EXO1: variants seen among roughly 807,000 people sequenced by gnomAD.
EXO1 encodes the protein exonuclease 1.
In EXO1, 69 loss-of-function variants were observed where a neutral mutation model predicts 84.5. That is an observed-to-expected ratio of 0.82 (90% CI 0.67 to 1.00). EXO1 has a LOEUF of 1.00. Among genes scored for constraint, EXO1 ranks in the 50% least tolerant of loss-of-function variants. EXO1 has a pLI of 0.00. For missense variants in EXO1, 1,045 were observed against 1,000.7 expected (o/e 1.04, Z -0.60); for synonymous variants, 373 against 366.1 (o/e 1.02, Z -0.21).
At chr1:241,873,766 A>G (rs1662245095) in intron 12 of EXO1, among the ~76,000 whole-genome samples, 1 of 152,188 alleles carries the variant, frequency 6.6e-6, no homozygotes, top group South Asian at 2.1e-4. Flanking sequence ...GAGGGCGTTC[A>G]AGGGGCATCT....
chr1:241,857,369 T>C lies in EXO1; in HGVS notation c.430T>C (p.Cys144Arg). 6.2e-7 allele frequency: 1 copy of C among 1,613,994 alleles called. No individual in the cohort carries two copies. Among genetic ancestry groups the C allele is most frequent in the South Asian group, 1.1e-5 (1 of 91,088 alleles). ...GGCTGCCCGGTCTCAGGGGGTAGAT[T>C]GCCTCGTGGCTCCCTATGAAGCTGA... ...IKAARSQGVD[C>R]LVAPYEADAQ... The change falls in exon 7 of 16, where the codon TGC becomes CGC. Residue 144 changes from cysteine to arginine, a missense_variant. Physicochemically the swap from Cys to Arg is radical, Grantham distance 180 (BLOSUM62 -3). Transcript: ENST00000366548.
Position 241,874,118 on chromosome 1 carries a change from C to T in EXO1, c.1514+1840C>T, listed in dbSNP as rs780234048. Among the ~76,000 whole-genome samples, 5 of 152,158 alleles carry T rather than the reference C, an allele frequency of 3.3e-5. No individual in the cohort carries two copies. In the East Asian group the frequency reaches 5.8e-4, roughly 18 times the overall value. On this transcript the variant is annotated intron_variant, in intron 12 of 15. Coordinates refer to ENST00000366548, the MANE Select transcript of EXO1 (RefSeq NM_130398.4). ...GAGGCGATAGAAACATTGAGAGGGT[C>T]GCCGGGCACGATGGCTCATGCCTAT...
intron 4 of EXO1, among the ~76,000 whole-genome samples, chr1:241,851,035 A>G (rs555436177): frequency 1.3e-5 from 2 of 152,066 alleles, no homozygotes; most frequent in South Asian, 4.2e-4. Context: ...GGGTTTCACC[A>G]TGTTGGCCAG....
intron 11 of EXO1, among the ~76,000 whole-genome samples, chr1:241,871,559 T>A (rs962839001): frequency 2.0e-5 from 3 of 152,204 alleles, no homozygotes; most frequent in Non-Finnish European, 4.4e-5. Flanking sequence ...ACAGCACAAA[T>A]TACTTACGAC....
chr1:241,855,620 G>A (rs1313595347), intron 6 of EXO1, among the ~76,000 whole-genome samples: 2 of 152,226 alleles, frequency 1.3e-5, no homozygotes, highest in African/African-American at 2.4e-5. Flanking sequence ...ACTGGGCGCC[G>A]TGGAGCAGGG....
intron 11 of EXO1, among the ~76,000 whole-genome samples, chr1:241,870,483 C>G (rs1662025428): frequency 6.6e-6 from 1 of 152,144 alleles, no homozygotes; most frequent in Non-Finnish European, 1.5e-5. Context: ...GAAATGTGAT[C>G]TGCTTACCAC....
chr1:241,870,971 G>T (rs1662052532), intron 11 of EXO1, among the ~76,000 whole-genome samples: 3 of 152,106 alleles, frequency 2.0e-5, no homozygotes, highest in African/African-American at 7.2e-5. Context: ...AGTAGATATG[G>T]CTTTGCATTG....
chr1:241,876,547 A>C (rs1662414383), intron 12 of EXO1, among the ~76,000 whole-genome samples: 1 of 152,108 alleles, frequency 6.6e-6, no homozygotes, highest in Non-Finnish European at 1.5e-5. Flanking sequence ...GCACCCCTGC[A>C]CTCCAGCCTG....
chr1:241,874,684 C>A (rs548157042), intron 12 of EXO1, among the ~76,000 whole-genome samples: 1 of 152,342 alleles, frequency 6.6e-6, no homozygotes, highest in African/African-American at 2.4e-5. Flanking sequence ...GACAAGTTAA[C>A]TTCTGGATAC....
intron 7 of EXO1, 60 bp from the exon 8 acceptor site, chr1:241,858,446 G>A: frequency 3.0e-6 from 3 of 1,003,930 alleles, no homozygotes; most frequent in Non-Finnish European, 3.2e-6. Context: ...TTATTGCAGT[G>A]GATTAGATAA....
intron 14 of EXO1, among the ~76,000 whole-genome samples, chr1:241,884,988 A>G: frequency 6.6e-6 from 1 of 152,096 alleles, no homozygotes; most frequent in African/African-American, 2.4e-5. Context: ...CGAGCAGATC[A>G]CAAGGTCAGG....
At chr1:241,858,395 C>T (rs1661184606) in intron 7 of EXO1, 111 bp from the exon 8 acceptor site, 1 of 712,542 alleles carries the variant, frequency 1.4e-6, no homozygotes, top group Admixed American at 2.1e-5. Context: ...TGTCTCCTGT[C>T]TTTCAGTGTT....
At chr1:241,880,536 C>G (rs963816265) in intron 13 of EXO1, among the ~76,000 whole-genome samples, 129 of 152,244 alleles carry the variant, frequency 8.5e-4, no homozygotes, top group African/African-American at 3.0e-3. Flanking sequence ...AATCCTCCTC[C>G]CCTAGCCATG....
intron 11 of EXO1, 62 bp downstream of exon 11, chr1:241,867,117 C>A: frequency 1.6e-6 from 2 of 1,252,082 alleles, no homozygotes; most frequent in South Asian, 1.2e-5. Flanking sequence ...AAATCATTGC[C>A]CAACGCAAAG....
At chr1:241,869,722 TCTTCCTTCCTTCCTTCCCTCCCTCCCTC>T (rs1558135373) in intron 11 of EXO1, among the ~76,000 whole-genome samples, 6 of 149,592 alleles carry the variant, frequency 4.0e-5, no homozygotes, top group African/African-American at 9.8e-5. Flanking sequence ...TGTACATTCA[TCTTCCTTCCTTCCTTCCCTCCCTCCCTC>T]CTTCCTTCCT....
chr1:241,864,866 A>G (rs903095457), intron 10 of EXO1, among the ~76,000 whole-genome samples: 4 of 147,464 alleles, frequency 2.7e-5, no homozygotes, highest in Non-Finnish European at 4.5e-5. Flanking sequence ...AGTATTTATC[A>G]TTTCTTTCTT....
chr1:241,856,092 G>A (rs1574138207), intron 6 of EXO1, among the ~76,000 whole-genome samples: 1 of 152,372 alleles, frequency 6.6e-6, no homozygotes, highest in Admixed American at 6.5e-5. Flanking sequence ...AGGAGGCGCC[G>A]AGAGCGAGGG....
chr1:241,867,866 G>A (rs573228648), intron 11 of EXO1, among the ~76,000 whole-genome samples: 1 of 151,936 alleles, frequency 6.6e-6, no homozygotes, highest in South Asian at 2.1e-4. Context: ...TCTCAAGTTA[G>A]TTTTCTTTTG....
In EXO1 at chr1:241,878,829, A is replaced by G. The variant is rs568600790; in HGVS notation, c.1595A>G (p.Asp532Gly). 1.5e-5 allele frequency: 24 copies of G among 1,614,156 alleles called. No homozygotes were observed. In the South Asian group the frequency reaches 2.5e-4, roughly 17 times the overall value. Reference protein sequence around the residue: ...IQPLDETAVTDKENNLHESEY... With the variant: ...IQPLDETAVTGKENNLHESEY... Reference sequence around the variant, plus strand: ...CCTCTGGATGAAACTGCTGTCACAGATAAAGAGAACAATCTGCATGAATCA... The same window carrying G: ...CCTCTGGATGAAACTGCTGTCACAGGTAAAGAGAACAATCTGCATGAATCA... The change falls in exon 13 of 16, where the codon GAT becomes GGT. Residue 532 changes from aspartate (D) to glycine (G), a missense_variant. Asp to Gly is a moderately conservative substitution (Grantham distance 94). Transcript: ENST00000366548.
Sources: allele counts gnomAD v4.1 joint callset (sites outside exome capture counted in the v4.1 genomes callset), GRCh38; gene constraint gnomAD v4.1.1; transcripts MANE v1.5; gene names NCBI Gene and HGNC (gene_info 2026-07-23, HGNC 2026-07-21).